Variants in PID1 observed in about 807,000 individuals in gnomAD.
PID1 encodes the protein PTB-containing, cubilin and LRP1-interacting protein.
A neutral mutation model predicts 19.1 loss-of-function variants in PID1; 10 were observed. That is an observed-to-expected ratio of 0.52 (90% CI 0.32 to 0.89). The LOEUF (loss-of-function observed/expected upper bound fraction) is 0.89. Among genes scored for constraint, PID1 ranks in the 40% least tolerant of loss-of-function variants. PID1 has a pLI of 0.03. For missense variants in PID1, 248 were observed against 285.3 expected (o/e 0.87, Z 0.94); for synonymous variants, 130 against 116.0 (o/e 1.12, Z -0.78).
At chr2:229,142,721 C>A (rs554945267) in intron 2 of PID1, among the ~76,000 whole-genome samples, 11 of 152,214 alleles carry the variant, frequency 7.2e-5, no homozygotes, top group African/African-American at 1.7e-4. Context: ...GATGTGGAGA[C>A]ATGGGAACAC....
chr2:229,133,639 C>T (rs1186115177), intron 2 of PID1, among the ~76,000 whole-genome samples: 1 of 152,298 alleles, frequency 6.6e-6, no homozygotes, highest in Non-Finnish European at 1.5e-5. Context: ...ATTCTTCATG[C>T]CCAATATCGA....
intron 2 of PID1, among the ~76,000 whole-genome samples, chr2:229,140,451 A>T (rs930296923): frequency 6.6e-6 from 1 of 151,622 alleles, no homozygotes; most frequent in African/African-American, 2.4e-5. Context: ...TGACATTCCT[A>T]CAAATAAATG....
chr2:229,240,865 T>C (rs967739813), intron 1 of PID1, among the ~76,000 whole-genome samples: 35 of 152,154 alleles, frequency 2.3e-4, no homozygotes, highest in African/African-American at 8.2e-4. Flanking sequence ...TATTGCTTGA[T>C]GTGTCCCATA....
intron 2 of PID1, among the ~76,000 whole-genome samples, chr2:229,068,935 C>G (rs1415818267): frequency 1.3e-5 from 2 of 152,166 alleles, no homozygotes; most frequent in East Asian, 3.9e-4. Flanking sequence ...GCAGGCAGTC[C>G]TTTGCCCAAT....
chr2:229,066,842 G>A (rs763066134), intron 2 of PID1, among the ~76,000 whole-genome samples: 4 of 151,952 alleles, frequency 2.6e-5, no homozygotes, highest in South Asian at 4.2e-4. Context: ...TGATTTGGCC[G>A]ATCCACTCAT....
intron 2 of PID1, among the ~76,000 whole-genome samples, chr2:229,046,630 G>T (rs1693888003): frequency 6.6e-6 from 1 of 151,736 alleles, no homozygotes; most frequent in African/African-American, 2.4e-5. Context: ...ATCCCTAAAT[G>T]AATTAAATTC....
intron 1 of PID1, among the ~76,000 whole-genome samples, chr2:229,204,941 C>T (rs1691576978): frequency 6.6e-6 from 1 of 151,806 alleles, no homozygotes; most frequent in Admixed American, 6.6e-5. Context: ...TAGAACTTTA[C>T]AAAAAAATGA....
chr2:229,245,352 A>C (rs1689973472), intron 1 of PID1, among the ~76,000 whole-genome samples: 1 of 152,236 alleles, frequency 6.6e-6, no homozygotes, highest in Non-Finnish European at 1.5e-5. Flanking sequence ...TATAAGCTCA[A>C]GTGCTTCTTA....
chr2:229,162,524 C>T (rs1363854350), intron 1 of PID1, among the ~76,000 whole-genome samples: 1 of 152,194 alleles, frequency 6.6e-6, no homozygotes, highest in African/African-American at 2.4e-5. Flanking sequence ...TCAGTTTTAA[C>T]TTGCAAATTA....
intron 2 of PID1, among the ~76,000 whole-genome samples, chr2:229,065,729 A>AAAAAAAAAAAG (rs765746020): frequency 6.4e-5 from 9 of 140,674 alleles, no homozygotes; most frequent in East Asian, 2.2e-4. Context: ...AAAAAAAAAA[A>AAAAAAAAAAAG]AAACAGGTTG....
At chr2:229,242,695 C>T (rs1393965369) in intron 1 of PID1, among the ~76,000 whole-genome samples, 2 of 152,152 alleles carry the variant, frequency 1.3e-5, no homozygotes, top group African/African-American at 4.8e-5. Context: ...GCTTGCAATA[C>T]ATTTTCTATA....
chr2:229,106,234 C>A (rs185079600), intron 2 of PID1, among the ~76,000 whole-genome samples: 10 of 152,076 alleles, frequency 6.6e-5, no homozygotes, highest in Non-Finnish European at 2.9e-5. Context: ...TCAAGAAAGC[C>A]CTTTTACAGA....
chr2:229,218,032 G>A lies in PID1; in HGVS notation c.30+52982C>T, dbSNP rs950252050. ...ACTCCAGACAACTGAGTGTTTCCTC[G>A]GCTGTGCAGCCCAAAATCTTTATAC... On this transcript the variant is annotated intron_variant, in intron 1 of 2. Coordinates refer to ENST00000392055, the MANE Select transcript of PID1 (RefSeq NM_001100818.2). Among the ~76,000 whole-genome samples the A allele has an allele frequency of 3.9e-5, 6 of 152,158 alleles. No homozygotes were observed. The South Asian group carries it at 8.3e-4, about 21-fold the overall frequency.
intron 2 of PID1, among the ~76,000 whole-genome samples, chr2:229,093,915 T>C (rs1694924790): frequency 6.6e-6 from 1 of 152,184 alleles, no homozygotes; most frequent in African/African-American, 2.4e-5. Context: ...ATGCCCACTT[T>C]CATGACTTCT....
intron 2 of PID1, among the ~76,000 whole-genome samples, chr2:229,048,495 A>T (rs1693927697): frequency 1.3e-5 from 2 of 152,124 alleles, no homozygotes; most frequent in Admixed American, 1.3e-4. Flanking sequence ...AAAGAGAAAA[A>T]GCAAAATTTG....
chr2:229,091,603 G>A lies in PID1; in HGVS notation c.177+64215C>T, dbSNP rs200516401. Among the ~76,000 whole-genome samples, 167 of 152,214 alleles carry A rather than the reference G, an allele frequency of 1.1e-3. 4 individuals are homozygous for A. The South Asian group carries it at 0.028, about 26-fold the overall frequency. On this transcript the variant is annotated intron_variant, in intron 2 of 2. Coordinates refer to ENST00000392055, the MANE Select transcript of PID1 (RefSeq NM_001100818.2). ...GAGATCCCCCACTCCTTCTGTCACC[G>A]CAAAAAGACAACAATCCAGGAAGCA...
Position 229,183,610 on chromosome 2 carries a change from G to C in PID1, c.31-27646C>G, listed in dbSNP as rs546171149. On this transcript the variant is annotated intron_variant, in intron 1 of 2. Coordinates refer to ENST00000392055, the MANE Select transcript of PID1 (RefSeq NM_001100818.2). ...GAAATTCCTCCTTCCTAATCTCTTGGAGTGGGTACATCAGTCTTTTGCTGA... is the reference window on the plus strand; with the variant it reads ...GAAATTCCTCCTTCCTAATCTCTTGCAGTGGGTACATCAGTCTTTTGCTGA... Among the ~76,000 whole-genome samples the C allele has an allele frequency of 3.2e-4, 48 of 152,128 alleles. 1 individual carries two copies. Among genetic ancestry groups the C allele is most frequent in the Middle Eastern group, 3.4e-3 (1 of 294 alleles).
At chr2:229,034,560 C>A (rs1399945233) in intron 2 of PID1, among the ~76,000 whole-genome samples, 1 of 152,076 alleles carries the variant, frequency 6.6e-6, no homozygotes, top group East Asian at 1.9e-4. Flanking sequence ...CTAACAGGAT[C>A]CTGTCTGGTT....
intron 2 of PID1, among the ~76,000 whole-genome samples, chr2:229,089,199 C>T (rs984159593): frequency 6.6e-6 from 1 of 152,188 alleles, no homozygotes; most frequent in East Asian, 1.9e-4. Context: ...TCATCAATAA[C>T]TCGCACTTGC....
Sources: allele counts gnomAD v4.1 joint callset (sites outside exome capture counted in the v4.1 genomes callset), GRCh38; gene constraint gnomAD v4.1.1; transcripts MANE v1.5; gene names NCBI Gene and HGNC (gene_info 2026-07-23, HGNC 2026-07-21).